FAAH2: variants seen among roughly 807,000 people sequenced by gnomAD.
The protein encoded by FAAH2 is fatty acid amide hydrolase 2, also known as fatty-acid amide hydrolase 2.
FAAH2 carries 60 observed loss-of-function variants against 36.9 expected under a neutral mutation model. The observed-to-expected ratio is 1.63, with a 90% CI of 1.32 to 2.02. FAAH2 has a LOEUF of 2.02. Ranked by LOEUF, FAAH2 falls within the 30% of genes most tolerant of loss-of-function variation. The pLI is 0.00. For synonymous variants in FAAH2, 214 were observed against 143.8 expected (o/e 1.49, Z -3.49); for missense variants, 689 against 397.5 (o/e 1.73, Z -6.23).
the FAAH2 span, among the ~76,000 whole-genome samples, chrX:57,254,540 C>A: frequency 8.9e-6 from 1 of 111,773 alleles, no homozygotes; most frequent in Non-Finnish European, 1.9e-5. Context: ...CACTCCTCAG[C>A]AAATGTAAAA....
At chrX:57,209,707 C>T in the FAAH2 span, among the ~76,000 whole-genome samples, 9 of 111,511 alleles carry the variant, frequency 8.1e-5, no homozygotes, top group South Asian at 1.1e-3. Context: ...AGGTCATCTG[C>T]GCCACCTGCA....
intron 7 of FAAH2, among the ~76,000 whole-genome samples, chrX:57,416,961 G>A (rs891976106): frequency 2.7e-5 from 3 of 110,494 alleles, no homozygotes; most frequent in Non-Finnish European, 5.7e-5. Flanking sequence ...TTGTCTTAAC[G>A]CTTTATTTTA....
Position 57,292,510 on chromosome X carries a change from G to A in FAAH2, c.205G>A (p.Asp69Asn), listed in dbSNP as rs1602172235. 1.7e-6 allele frequency: 2 copies of A among 1,206,608 alleles called. No individual in the cohort carries two copies. Reference sequence around the variant, plus strand: ...TTGTATTTTGCAGGTGAAATGTATAGATGTTGTTCAGGCTTATATCAACAG... The same window carrying A: ...TTGTATTTTGCAGGTGAAATGTATAAATGTTGTTCAGGCTTATATCAACAG... ...LIRQRKVKCI[D>N]VVQAYINRIK... The change falls in exon 2 of 11, where the codon GAT (aspartate) becomes AAT (asparagine). Residue 69 changes from aspartate to asparagine, a missense_variant. Asp to Asn is a conservative substitution (Grantham distance 23). Transcript: ENST00000374900.
Position 57,358,607 on chromosome X carries a change from T to A in FAAH2, c.742+17217T>A, listed in dbSNP as rs184249490. Among the ~76,000 whole-genome samples the A allele has an allele frequency of 5.4e-5, 6 of 111,660 alleles. No homozygotes were observed. The East Asian group carries it at 1.4e-3, about 26-fold the overall frequency. ...GAGAGAGAGTTTCTCAACCTGTTCA[T>A]CTGTTGATGGACATTTAGGTTATTC... On this transcript the variant is annotated intron_variant, in intron 5 of 10. Coordinates refer to ENST00000374900, the MANE Select transcript of FAAH2 (RefSeq NM_174912.4).
intron 5 of FAAH2, among the ~76,000 whole-genome samples, chrX:57,369,874 C>T (rs1029587456): frequency 2.7e-5 from 3 of 111,712 alleles, no homozygotes; most frequent in Non-Finnish European, 5.7e-5. Flanking sequence ...GTAAATAATA[C>T]CTATAGCTAC....
chrX:57,383,673 A>G (rs1282388509), intron 7 of FAAH2, among the ~76,000 whole-genome samples: 1 of 111,998 alleles, frequency 8.9e-6, no homozygotes, highest in East Asian at 2.8e-4. Flanking sequence ...GAAATAAAAG[A>G]GGATACAAAC....
At chrX:57,264,803 C>A in the FAAH2 span, among the ~76,000 whole-genome samples, 2 of 112,462 alleles carry the variant, frequency 1.8e-5, no homozygotes, top group Non-Finnish European at 3.8e-5. Flanking sequence ...CAATGGTAGA[C>A]TGGATAAAGA....
chrX:57,422,768 G>A (rs554690278), intron 7 of FAAH2, among the ~76,000 whole-genome samples: 29 of 111,804 alleles, frequency 2.6e-4, no homozygotes, highest in Middle Eastern at 9.3e-3. Context: ...CTGGGAGGCT[G>A]GAAATGATTA....
At chrX:57,276,796 C>A in the FAAH2 span, among the ~76,000 whole-genome samples, 1 of 111,734 alleles carries the variant, frequency 8.9e-6, no homozygotes, top group Admixed American at 9.5e-5. Flanking sequence ...ACTATAAGCA[C>A]CGGTACACAA....
At chrX:57,219,141 G>C in the FAAH2 span, among the ~76,000 whole-genome samples, 1 of 111,542 alleles carries the variant, frequency 9.0e-6, no homozygotes, top group Non-Finnish European at 1.9e-5. Flanking sequence ...AGTTACGTCA[G>C]ACTAGGACAC....
the FAAH2 span, among the ~76,000 whole-genome samples, chrX:57,222,934 A>G: frequency 9.0e-6 from 1 of 111,495 alleles, no homozygotes; most frequent in Non-Finnish European, 1.9e-5. Flanking sequence ...CACACACACT[A>G]TTGAAGCCAA....
At chrX:57,447,918 G>T (rs989371314) in intron 9 of FAAH2, among the ~76,000 whole-genome samples, 7 of 112,067 alleles carry the variant, frequency 6.2e-5, no homozygotes, top group African/African-American at 2.3e-4. Flanking sequence ...TTCTGCAGCC[G>T]GCTTGAATTT....
chrX:57,143,646 C>A, the FAAH2 span, among the ~76,000 whole-genome samples: 3 of 110,099 alleles, frequency 2.7e-5, no homozygotes, highest in Non-Finnish European at 5.7e-5. Context: ...TAAGCTATTT[C>A]TTTGTATTTT....
In FAAH2 at chrX:57,358,087, G is replaced by T. The variant is rs781103083; in HGVS notation, c.742+16697G>T. 7.4e-4 allele frequency among the ~76,000 whole-genome samples: 82 copies of T among 110,703 alleles called. 1 individual carries two copies. Among genetic ancestry groups the T allele is most frequent in the African/African-American group, 2.6e-3 (80 of 30,552 alleles). ...TTTATTATTTCTTTCCTTCAGATAAGGTTGGCTTTATAGTGTTCTTCTTTG... is the reference window on the plus strand; with the variant it reads ...TTTATTATTTCTTTCCTTCAGATAATGTTGGCTTTATAGTGTTCTTCTTTG... On this transcript the variant is annotated intron_variant, in intron 5 of 10. Coordinates refer to ENST00000374900, the MANE Select transcript of FAAH2 (RefSeq NM_174912.4).
intron 5 of FAAH2, among the ~76,000 whole-genome samples, chrX:57,372,354 G>A (rs931943267): frequency 2.1e-4 from 23 of 110,702 alleles, no homozygotes; most frequent in Non-Finnish European, 4.2e-4. Context: ...ACTGGTGTGA[G>A]ATGGTATTTC....
chrX:57,127,858 C>T, the FAAH2 span, among the ~76,000 whole-genome samples: 3 of 111,496 alleles, frequency 2.7e-5, no homozygotes, highest in South Asian at 3.7e-4. Context: ...TAAATATAAA[C>T]GTAAATATAG....
At chrX:57,207,713 C>T in the FAAH2 span, among the ~76,000 whole-genome samples, 1 of 112,376 alleles carries the variant, frequency 8.9e-6, no homozygotes, top group Admixed American at 9.4e-5. Context: ...TACTTGCACC[C>T]CTTTTAAATT....
chrX:57,209,539 C>T, the FAAH2 span, among the ~76,000 whole-genome samples: 1 of 111,287 alleles, frequency 9.0e-6, no homozygotes, highest in Non-Finnish European at 1.9e-5. Flanking sequence ...TTTGCCATGG[C>T]TGACCTGGTA....
At chrX:57,306,018 G>A (rs1475360032) in intron 2 of FAAH2, among the ~76,000 whole-genome samples, 1 of 112,021 alleles carries the variant, frequency 8.9e-6, no homozygotes. Flanking sequence ...GCAGTCTTAG[G>A]CATGTGGATG....
Sources: gnomAD v4.1 joint callset for allele counts (sites outside exome capture counted in the v4.1 genomes callset) on GRCh38, gnomAD v4.1.1 for gene constraint, MANE v1.5 for transcripts, NCBI Gene and HGNC (gene_info 2026-07-23, HGNC 2026-07-21) for gene names.